Variants in GABRB1 observed in about 807,000 individuals in gnomAD.
GABRB1 encodes gamma-aminobutyric acid type A receptor subunit beta1.
GABRB1 carries 17 observed loss-of-function variants against 51.6 expected under a neutral mutation model. The ratio of observed to expected loss-of-function variants is 0.33; its 90% CI spans 0.23 to 0.49. GABRB1 has a LOEUF of 0.49. Ranked by LOEUF, GABRB1 falls within the 20% of genes least tolerant of loss-of-function variation. The pLI, the probability that GABRB1 is intolerant of heterozygous loss-of-function variation, is 0.99. For synonymous variants in GABRB1, 247 were observed against 218.9 expected, an observed-to-expected ratio of 1.13 and a Z score of -1.14; for missense variants, 410 against 600.6, an observed-to-expected ratio of 0.68 and a Z score of 3.32.
intron 5 of GABRB1, among the ~76,000 whole-genome samples, chr4:47,339,441 T>C (rs374997035): frequency 1.9e-4 from 29 of 152,302 alleles, no homozygotes; most frequent in African/African-American, 6.7e-4. Flanking sequence ...TGGAAGTTAC[T>C]TTTATTGAAT....
chr4:47,009,515 G>C (rs141176724), intron 1 of GABRB1, among the ~76,000 whole-genome samples: 72 of 152,146 alleles, frequency 4.7e-4, no homozygotes, highest in African/African-American at 1.5e-3. Context: ...ATCAATTTTA[G>C]TTTTTTTAAG....
upstream of GABRB1, among the ~76,000 whole-genome samples, chr4:47,029,732 G>A (rs1220506022): frequency 2.0e-5 from 3 of 151,978 alleles, no homozygotes; most frequent in Non-Finnish European, 4.4e-5. Context: ...ATGTAATGAT[G>A]TAAAGATCTA....
In GABRB1 at chr4:47,078,401, G is replaced by A. The variant is rs111518495; in HGVS notation, c.240+45917G>A. 2.2e-3 allele frequency among the ~76,000 whole-genome samples: 331 copies of A among 152,002 alleles called. 1 individual carries two copies. The highest frequency in any genetic ancestry group is 7.3e-3 in the African/African-American group (302 of 41,462). Reference sequence around the variant, plus strand: ...CTTTATATGTTTCACTTAACCCCACGTCCTTTCCATCCAAAATGTCACCTC... The same window carrying A: ...CTTTATATGTTTCACTTAACCCCACATCCTTTCCATCCAAAATGTCACCTC... On this transcript the variant is annotated intron_variant, in intron 3 of 8. Coordinates refer to ENST00000295454, the MANE Select transcript of GABRB1 (RefSeq NM_000812.4).
intron 5 of GABRB1, among the ~76,000 whole-genome samples, chr4:47,342,805 G>A (rs898351674): frequency 6.6e-6 from 1 of 152,044 alleles, no homozygotes; most frequent in African/African-American, 2.4e-5. Flanking sequence ...ATGTCACTAA[G>A]GGGTCCAACA....
chr4:47,188,210 T>C (rs1719266934), intron 4 of GABRB1, among the ~76,000 whole-genome samples: 1 of 151,974 alleles, frequency 6.6e-6, no homozygotes, highest in Admixed American at 6.6e-5. Flanking sequence ...GTACAAAATA[T>C]AAAACTGAGT....
chr4:47,346,135 G>A (rs1726080468), intron 5 of GABRB1, among the ~76,000 whole-genome samples: 1 of 152,096 alleles, frequency 6.6e-6, no homozygotes, highest in Non-Finnish European at 1.5e-5. Context: ...AGAAAGCCAA[G>A]CTGTTGGAGA....
At chr4:47,196,183 C>G (rs549644586) in intron 4 of GABRB1, among the ~76,000 whole-genome samples, 93 of 152,328 alleles carry the variant, frequency 6.1e-4, no homozygotes, top group African/African-American at 2.2e-3. Context: ...CAAATATACC[C>G]TTGAGAGCTA....
chr4:47,189,538 G>T (rs576154992), intron 4 of GABRB1, among the ~76,000 whole-genome samples: 1 of 151,788 alleles, frequency 6.6e-6, no homozygotes, highest in Non-Finnish European at 1.5e-5. Context: ...GTAGAATTGT[G>T]TCTCTGCATT....
At chr4:47,005,665 G>A (rs1044698415) in intron 1 of GABRB1, among the ~76,000 whole-genome samples, 1 of 148,612 alleles carries the variant, frequency 6.7e-6, no homozygotes, top group Non-Finnish European at 1.5e-5. Context: ...AAGATCCAAG[G>A]ACTAAAAATG....
intron 4 of GABRB1, among the ~76,000 whole-genome samples, chr4:47,185,012 C>T (rs758569708): frequency 6.6e-6 from 1 of 151,840 alleles, no homozygotes; most frequent in Non-Finnish European, 1.5e-5. Flanking sequence ...AACAGGCCTT[C>T]CCACAGCCAC....
At chr4:47,346,011 C>G (rs1349954682) in intron 5 of GABRB1, among the ~76,000 whole-genome samples, 1 of 149,512 alleles carries the variant, frequency 6.7e-6, no homozygotes, top group Non-Finnish European at 1.5e-5. Context: ...TTTGCTTATT[C>G]TTTGTTCTGT....
At chr4:47,023,453 T>C (rs998243836) in intron 1 of GABRB1, among the ~76,000 whole-genome samples, 1 of 152,062 alleles carries the variant, frequency 6.6e-6, no homozygotes, top group Admixed American at 6.6e-5. Context: ...TGTGTTTTTA[T>C]TAAAATTGCC....
intron 4 of GABRB1, among the ~76,000 whole-genome samples, chr4:47,299,401 CAAAT>C (rs760785595): frequency 2.0e-5 from 3 of 152,038 alleles, no homozygotes; most frequent in Non-Finnish European, 2.9e-5. Flanking sequence ...AAGAAAAAAA[CAAAT>C]AACCCCATCA....
At chr4:47,399,530 T>C (rs1728306764) in intron 5 of GABRB1, among the ~76,000 whole-genome samples, 1 of 152,186 alleles carries the variant, frequency 6.6e-6, no homozygotes, top group Middle Eastern at 3.2e-3. Flanking sequence ...TTCAAATTAA[T>C]TTGTATGAAA....
At chr4:47,170,016 T>G (rs562179183) in intron 4 of GABRB1, among the ~76,000 whole-genome samples, 16 of 152,268 alleles carry the variant, frequency 1.1e-4, no homozygotes, top group African/African-American at 3.4e-4. Flanking sequence ...TTTAAAAAAA[T>G]GTATACAATT....
chr4:47,053,232 G>A (rs1353359363), intron 3 of GABRB1, among the ~76,000 whole-genome samples: 1 of 152,146 alleles, frequency 6.6e-6, no homozygotes, highest in African/African-American at 2.4e-5. Context: ...AGTCTGTTCA[G>A]GCTGCTATAC....
At chr4:47,227,860 C>T (rs2109832030) in intron 4 of GABRB1, among the ~76,000 whole-genome samples, 1 of 152,236 alleles carries the variant, frequency 6.6e-6, no homozygotes, top group East Asian at 1.9e-4. Context: ...CTTGTTGTTT[C>T]TTCACGTAGT....
At chr4:47,125,997 A>G (rs890105794) in intron 3 of GABRB1, among the ~76,000 whole-genome samples, 16 of 151,078 alleles carry the variant, frequency 1.1e-4, no homozygotes, top group African/African-American at 3.6e-4. Flanking sequence ...CTAATATTGC[A>G]TTGTGTCTAT....
chr4:47,249,665 T>C (rs940038021), intron 4 of GABRB1, among the ~76,000 whole-genome samples: 1 of 152,194 alleles, frequency 6.6e-6, no homozygotes, highest in Admixed American at 6.5e-5. Context: ...ACAAGGAATT[T>C]TACCATTATA....
Sources: allele counts gnomAD v4.1 joint callset (sites outside exome capture counted in the v4.1 genomes callset), GRCh38; gene constraint gnomAD v4.1.1; transcripts MANE v1.5; gene names NCBI Gene and HGNC (gene_info 2026-07-23, HGNC 2026-07-21).